Variants in LINGO2 observed in about 807,000 individuals in gnomAD.
The protein encoded by LINGO2 is leucine rich repeat and Ig domain containing 2.
A neutral mutation model predicts 30.6 loss-of-function variants in LINGO2; 14 were observed. The observed-to-expected ratio is 0.46, with a 90% CI of 0.30 to 0.72. The LOEUF is 0.72. Among genes scored for constraint, LINGO2 ranks in the 30% least tolerant of loss-of-function variants. LINGO2 has a pLI of 0.07. For missense variants in LINGO2, 729 were observed against 751.7 expected (o/e 0.97, Z 0.35); for synonymous variants, 317 against 288.5 (o/e 1.10, Z -1.00).
At chr9:28,792,201 C>T in the LINGO2 span, among the ~76,000 whole-genome samples, 2 of 151,738 alleles carry the variant, frequency 1.3e-5, no homozygotes, top group Non-Finnish European at 2.9e-5. Flanking sequence ...CCGATTCATG[C>T]TACAATAAGC....
chr9:29,072,303 G>A, the LINGO2 span, among the ~76,000 whole-genome samples: 2 of 151,736 alleles, frequency 1.3e-5, no homozygotes, highest in Non-Finnish European at 2.9e-5. Context: ...AATATTAATC[G>A]ATCATTTTTA....
chr9:28,312,371 G>C (rs1334943607), intron 3 of LINGO2, among the ~76,000 whole-genome samples: 2 of 151,834 alleles, frequency 1.3e-5, no homozygotes, highest in Non-Finnish European at 2.9e-5. Flanking sequence ...GGGGGTAATA[G>C]AGAGAGGGTG....
the LINGO2 span, among the ~76,000 whole-genome samples, chr9:29,024,779 T>C: frequency 1.3e-5 from 2 of 152,140 alleles, no homozygotes; most frequent in African/African-American, 4.8e-5. Flanking sequence ...TTCCTACTAC[T>C]GTTGTGTGAA....
At chr9:28,737,975 A>G in the LINGO2 span, among the ~76,000 whole-genome samples, 3 of 152,182 alleles carry the variant, frequency 2.0e-5, no homozygotes, top group South Asian at 2.1e-4. Flanking sequence ...TCCAACATCA[A>G]TTTGTTTTTT....
At chr9:28,389,198 A>G (rs1821724725) in intron 2 of LINGO2, among the ~76,000 whole-genome samples, 1 of 152,166 alleles carries the variant, frequency 6.6e-6, no homozygotes, top group Non-Finnish European at 1.5e-5. Flanking sequence ...TACTCTAATA[A>G]TAAAAATATT....
At chr9:28,054,878 C>T (rs958721239) in intron 4 of LINGO2, among the ~76,000 whole-genome samples, 2 of 152,064 alleles carry the variant, frequency 1.3e-5, no homozygotes, top group African/African-American at 4.8e-5. Context: ...GGAGCCTTTT[C>T]AAATATCCAA....
the LINGO2 span, among the ~76,000 whole-genome samples, chr9:28,899,026 T>C: frequency 6.7e-6 from 1 of 150,038 alleles, no homozygotes; most frequent in Non-Finnish European, 1.5e-5. Context: ...TGTTTGTCTC[T>C]CACGGAAACA....
the LINGO2 span, among the ~76,000 whole-genome samples, chr9:29,068,471 A>T: frequency 6.6e-6 from 1 of 151,832 alleles, no homozygotes; most frequent in Non-Finnish European, 1.5e-5. Context: ...TTGGTACAGA[A>T]AGCTTTCAAT....
chr9:28,536,765 A>T (rs1385514962), intron 1 of LINGO2, among the ~76,000 whole-genome samples: 1 of 152,120 alleles, frequency 6.6e-6, no homozygotes, highest in Non-Finnish European at 1.5e-5. Flanking sequence ...TTATAAGACA[A>T]GACATTTGAT....
intron 1 of LINGO2, among the ~76,000 whole-genome samples, chr9:28,545,890 C>T (rs1821913579): frequency 6.6e-6 from 1 of 151,934 alleles, no homozygotes; most frequent in South Asian, 2.1e-4. Flanking sequence ...GGTGAGTAAA[C>T]TTTTAAATTG....
At chr9:29,135,258 T>TA in the LINGO2 span, among the ~76,000 whole-genome samples, 4,383 of 152,010 alleles carry the variant, frequency 0.029, 199 homozygotes, top group African/African-American at 0.099. Context: ...CTCTCCACTG[T>TA]AAAAAAATAG....
the LINGO2 span, among the ~76,000 whole-genome samples, chr9:28,795,461 AG>A: frequency 6.6e-6 from 1 of 152,164 alleles, no homozygotes; most frequent in East Asian, 1.9e-4. Context: ...ACATGCCTGA[AG>A]GGGGGAAATA....
intron 1 of LINGO2, among the ~76,000 whole-genome samples, chr9:28,616,204 A>C (rs1826124401): frequency 6.6e-6 from 1 of 152,192 alleles, no homozygotes; most frequent in African/African-American, 2.4e-5. Flanking sequence ...ATTTTTGTTC[A>C]GCTGGTCAAA....
the LINGO2 span, among the ~76,000 whole-genome samples, chr9:29,037,788 T>C: frequency 6.6e-6 from 1 of 151,896 alleles, no homozygotes; most frequent in Non-Finnish European, 1.5e-5. Context: ...ATTTCCCACA[T>C]GTAAAACAGA....
the LINGO2 span, among the ~76,000 whole-genome samples, chr9:28,675,901 G>GTATGTATATATATATATA: frequency 9.3e-6 from 1 of 107,614 alleles, no homozygotes; most frequent in African/African-American, 3.5e-5. Flanking sequence ...GTGTGTGTGT[G>GTATGTATATATATATATA]TATGTATATA....
chr9:28,600,484 C>T (rs1357347201), intron 1 of LINGO2, among the ~76,000 whole-genome samples: 3 of 152,088 alleles, frequency 2.0e-5, no homozygotes, highest in Non-Finnish European at 4.4e-5. Flanking sequence ...GTCATAAGCA[C>T]TATTATAATA....
intron 2 of LINGO2, among the ~76,000 whole-genome samples, chr9:28,452,589 C>T (rs1215247293): frequency 6.6e-6 from 1 of 151,840 alleles, no homozygotes; most frequent in Non-Finnish European, 1.5e-5. Context: ...TAGCATTCTA[C>T]AGGGCTAGTG....
chr9:28,240,288 GAT>G (rs1252145994), intron 4 of LINGO2, among the ~76,000 whole-genome samples: 1 of 151,844 alleles, frequency 6.6e-6, no homozygotes, highest in African/African-American at 2.4e-5. Context: ...TCCTAAAATT[GAT>G]ATGACATCAC....
intron 4 of LINGO2, among the ~76,000 whole-genome samples, chr9:28,073,185 G>A (rs1234377648): frequency 2.0e-5 from 3 of 152,070 alleles, no homozygotes; most frequent in Admixed American, 6.6e-5. Flanking sequence ...AGCAGCTGAC[G>A]GGATGGAGAA....
Sources: allele counts gnomAD v4.1 joint callset (sites outside exome capture counted in the v4.1 genomes callset), GRCh38; gene constraint gnomAD v4.1.1; transcripts MANE v1.5; gene names NCBI Gene and HGNC (gene_info 2026-07-23, HGNC 2026-07-21).